DLG2: variants seen among roughly 807,000 people sequenced by gnomAD.
DLG2 encodes disks large homolog 2.
DLG2 carries 45 observed loss-of-function variants against 132.5 expected under a neutral mutation model. That is an observed-to-expected ratio of 0.34 (90% CI 0.27 to 0.44). The LOEUF (loss-of-function observed/expected upper bound fraction) is 0.44. Among genes scored for constraint, DLG2 ranks in the 20% least tolerant of loss-of-function variants. The pLI is 1.00. For synonymous variants in DLG2, 424 were observed against 419.6 expected (o/e 1.01, Z -0.13); for missense variants, 1,045 against 1,196.9 (o/e 0.87, Z 1.87).
At chr11:85,338,092 G>A (rs920758871) in intron 3 of DLG2, among the ~76,000 whole-genome samples, 1 of 151,948 alleles carries the variant, frequency 6.6e-6, no homozygotes, top group African/African-American at 2.4e-5. Context: ...ACTACCTAAA[G>A]GAAAGAAGAG....
At chr11:84,564,790 T>C (rs1325551764) in intron 6 of DLG2, among the ~76,000 whole-genome samples, 1 of 152,174 alleles carries the variant, frequency 6.6e-6, no homozygotes. Flanking sequence ...TGCTGCCACC[T>C]GGTGTCAGCT....
chr11:83,507,761 TATA>T (rs2094795990), intron 21 of DLG2, among the ~76,000 whole-genome samples: 7 of 12,940 alleles, frequency 5.4e-4, no homozygotes, highest in African/African-American at 1.6e-3. Context: ...ATTTTTATTA[TATA>T]TATATATATA....
At chr11:85,052,465 A>G (rs965415066) in intron 6 of DLG2, among the ~76,000 whole-genome samples, 3 of 152,220 alleles carry the variant, frequency 2.0e-5, no homozygotes, top group Non-Finnish European at 4.4e-5. Flanking sequence ...TTTGCATTAT[A>G]TACCTTGAAA....
chr11:83,616,571 G>A (rs1167220957), intron 19 of DLG2, among the ~76,000 whole-genome samples: 1 of 151,614 alleles, frequency 6.6e-6, no homozygotes, highest in African/African-American at 2.4e-5. Flanking sequence ...CCAGATGTCT[G>A]GATTACAAAT....
At chr11:83,983,224 G>A (rs1043871170) in intron 11 of DLG2, among the ~76,000 whole-genome samples, 2 of 152,014 alleles carry the variant, frequency 1.3e-5, no homozygotes, top group African/African-American at 4.8e-5. Context: ...TACAATACTT[G>A]CAGCATACAT....
intron 15 of DLG2, among the ~76,000 whole-genome samples, chr11:83,886,844 G>A (rs903754938): frequency 5.3e-5 from 8 of 151,916 alleles, no homozygotes; most frequent in African/African-American, 1.9e-4. Flanking sequence ...GCTCCTGAAT[G>A]ACTACTGGGT....
intron 4 of DLG2, among the ~76,000 whole-genome samples, chr11:85,159,322 A>G (rs1360436070): frequency 1.3e-5 from 2 of 152,188 alleles, no homozygotes; most frequent in Non-Finnish European, 1.5e-5. Flanking sequence ...ATTGGCATAG[A>G]CATACTTGCA....
intron 6 of DLG2, among the ~76,000 whole-genome samples, chr11:84,733,014 C>G (rs1193272374): frequency 6.6e-6 from 1 of 152,094 alleles, no homozygotes; most frequent in Admixed American, 6.6e-5. Flanking sequence ...TGTATATGTG[C>G]CACATTTTCT....
intron 8 of DLG2, among the ~76,000 whole-genome samples, chr11:84,170,037 T>C (rs566044137): frequency 1.3e-5 from 2 of 152,316 alleles, no homozygotes; most frequent in African/African-American, 2.4e-5. Flanking sequence ...ATCCTCATGT[T>C]CATGAGAGCA....
chr11:83,790,085 T>C lies in DLG2; in HGVS notation c.1723-3293A>G, dbSNP rs925978285. 151 of 1,031,894 alleles carry C rather than the reference T, an allele frequency of 1.5e-4. 1 individual carries two copies. The highest frequency in any genetic ancestry group is 1.9e-4 in the Non-Finnish European group (131 of 705,672). 63.9% of individuals were successfully genotyped at this position (1,031,894 alleles called of 1,614,324 possible). A position where few individuals can be genotyped will look rare whatever the true frequency, so the allele number is the denominator to read the frequency against. The stretch of plus-strand genomic sequence containing the variant: ...AAAATGACACAGGTACTGCAACGAG[T>C]GTACCTGCATGAACCGAGACACTGG... On this transcript the variant is annotated intron_variant, in intron 17 of 27. Transcript: ENST00000376104.
rs927286151 is a variant in DLG2 at position 85,204,328 on chromosome 11, T to C, written c.187-49677A>G. ...AGAAAACTGTTAGAACTAATAAATT[T>C]GGTAAAGTTGCAGGATATAGCATCA... On this transcript the variant is annotated intron_variant, in intron 4 of 27. Coordinates refer to ENST00000376104, the MANE Select transcript of DLG2 (RefSeq NM_001142699.3). 2.0e-5 allele frequency among the ~76,000 whole-genome samples: 3 copies of C among 152,074 alleles called. No individual in the cohort carries two copies. In the East Asian group the frequency reaches 5.8e-4, roughly 29 times the overall value.
chr11:85,272,966 T>G (rs1391749107), intron 4 of DLG2, among the ~76,000 whole-genome samples: 3 of 152,202 alleles, frequency 2.0e-5, no homozygotes, highest in Non-Finnish European at 4.4e-5. Flanking sequence ...TACAACCATC[T>G]GATCTTTGAC....
chr11:84,230,163 A>G (rs912603493), intron 8 of DLG2, among the ~76,000 whole-genome samples: 1 of 152,210 alleles, frequency 6.6e-6, no homozygotes, highest in Non-Finnish European at 1.5e-5. Flanking sequence ...ATGATAGAAC[A>G]GTAAACTTCT....
At chr11:83,759,191 G>C (rs1433238806) in intron 18 of DLG2, among the ~76,000 whole-genome samples, 1 of 152,184 alleles carries the variant, frequency 6.6e-6, no homozygotes, top group Non-Finnish European at 1.5e-5. Flanking sequence ...TGGTTCAGAA[G>C]ATAGAAAGAT....
rs185163361 is a variant in DLG2, at chr11:85,627,220, C to A, written c.-262G>T. 3.3e-5 allele frequency: 5 copies of A among 152,324 alleles called. No individual in the cohort carries two copies. In the East Asian group the frequency reaches 5.8e-4, roughly 18 times the overall value. 9.4% of individuals were successfully genotyped at this position (152,324 alleles called of 1,614,324 possible). On this transcript the variant is annotated splice_region_variant and 5_prime_UTR_variant, in exon 1 of 28. Transcript: ENST00000376104. ...TGATCAGAAGTTCCGGATCTCACCC[C>A]CTCAGTAACTCAGAATCCAGCTTGC... is the stretch of plus-strand genomic sequence containing the variant.
chr11:85,018,090 A>T (rs963537234), intron 6 of DLG2, among the ~76,000 whole-genome samples: 6 of 152,202 alleles, frequency 3.9e-5, no homozygotes, highest in Non-Finnish European at 5.9e-5. Flanking sequence ...TTGGCACAGG[A>T]TAAGCAAATA....
At chr11:85,550,293 A>C (rs1048067700) in intron 3 of DLG2, among the ~76,000 whole-genome samples, 2 of 152,246 alleles carry the variant, frequency 1.3e-5, no homozygotes, top group African/African-American at 2.4e-5. Flanking sequence ...CCTAAGCCAT[A>C]GTGGATGGCA....
chr11:85,063,433 G>A (rs1024025131), intron 6 of DLG2, among the ~76,000 whole-genome samples: 1 of 151,786 alleles, frequency 6.6e-6, no homozygotes, highest in African/African-American at 2.4e-5. Flanking sequence ...AAGTAATGGA[G>A]CAGTAAATCT....
At chr11:84,442,840 GA>G (rs1269476944) in intron 7 of DLG2, among the ~76,000 whole-genome samples, 3 of 151,978 alleles carry the variant, frequency 2.0e-5, no homozygotes, top group Admixed American at 6.6e-5. Flanking sequence ...ATATTAGCTG[GA>G]AAAAGTGCAA....
Sources: gnomAD v4.1 joint callset for allele counts (sites outside exome capture counted in the v4.1 genomes callset) on GRCh38, gnomAD v4.1.1 for gene constraint, MANE v1.5 for transcripts, NCBI Gene and HGNC (gene_info 2026-07-23, HGNC 2026-07-21) for gene names.